BCOR: variants seen among roughly 807,000 people sequenced by gnomAD.
The protein encoded by BCOR is BCL6 corepressor.
In BCOR, 10 loss-of-function variants were observed where a neutral mutation model predicts 86.7. The observed-to-expected ratio is 0.12, with a 90% CI of 0.07 to 0.20. BCOR has a LOEUF of 0.20. BCOR is among the 10% of genes least tolerant of loss of function. The pLI is 1.00. For missense variants in BCOR, 1,259 were observed against 1,452.1 expected, an observed-to-expected ratio of 0.87 and a Z score of 2.16; for synonymous variants, 611 against 609.0, an observed-to-expected ratio of 1.00 and a Z score of -0.05.
At chrX:40,172,667 C>T (rs914928041) in intron 1 of BCOR, among the ~76,000 whole-genome samples, 10 of 113,198 alleles carry the variant, frequency 8.8e-5, no homozygotes, top group Non-Finnish European at 1.5e-4. Flanking sequence ...CTCTCCAGTC[C>T]TGGGCCGTGG....
At chrX:40,123,156 C>A (rs2147877636) in intron 1 of BCOR, among the ~76,000 whole-genome samples, 1 of 111,101 alleles carries the variant, frequency 9.0e-6, no homozygotes, top group Admixed American at 9.6e-5. Context: ...ATTTCCTTAA[C>A]CTGCTAGGTG....
intron 1 of BCOR, among the ~76,000 whole-genome samples, chrX:40,125,938 G>A (rs772885703): frequency 4.5e-5 from 5 of 111,321 alleles, no homozygotes; most frequent in South Asian, 7.6e-4. Context: ...TCGGCCAGGC[G>A]CGGTGGCTCA....
chrX:40,076,746 T>A (rs1481540844), intron 2 of BCOR, among the ~76,000 whole-genome samples: 2 of 112,700 alleles, frequency 1.8e-5, no homozygotes, highest in Non-Finnish European at 3.7e-5. Context: ...AAAGCTTTCA[T>A]GTGTGAGGAC....
At chrX:40,169,738 T>C (rs1358023127) in intron 1 of BCOR, among the ~76,000 whole-genome samples, 1 of 111,568 alleles carries the variant, frequency 9.0e-6, no homozygotes, top group African/African-American at 3.3e-5. Flanking sequence ...AAACAGGCTT[T>C]CTGCACCGCT....
chrX:40,137,938 G>A (rs866207380), intron 1 of BCOR, among the ~76,000 whole-genome samples: 4 of 110,859 alleles, frequency 3.6e-5, no homozygotes, highest in African/African-American at 1.3e-4. Context: ...GACGGGGGGC[G>A]ACTTTCCCTC....
At chrX:40,146,979 G>A (rs1240716794) in intron 1 of BCOR, among the ~76,000 whole-genome samples, 2 of 112,034 alleles carry the variant, frequency 1.8e-5, no homozygotes, top group African/African-American at 6.5e-5. Flanking sequence ...GGCGGCGTGC[G>A]GGCCCGGGAG....
At chrX:40,142,741 G>T (rs1215490457) in intron 1 of BCOR, among the ~76,000 whole-genome samples, 2 of 111,558 alleles carry the variant, frequency 1.8e-5, no homozygotes, top group Non-Finnish European at 3.8e-5. Context: ...GTGGGCTATG[G>T]ATTTTTTTCC....
chrX:40,086,401 C>T (rs1019476339), intron 1 of BCOR, among the ~76,000 whole-genome samples: 2 of 113,342 alleles, frequency 1.8e-5, no homozygotes, highest in Non-Finnish European at 3.7e-5. Flanking sequence ...CCCAGTTCAA[C>T]GGATCCTGGC....
chrX:40,098,667 C>T (rs1364037693), upstream of BCOR, among the ~76,000 whole-genome samples: 1 of 111,839 alleles, frequency 8.9e-6, no homozygotes, highest in Admixed American at 9.3e-5. Flanking sequence ...CCTCCGAGAC[C>T]CAGCGGAGCG....
At chrX:40,157,303 G>A (rs781204207) in intron 1 of BCOR, among the ~76,000 whole-genome samples, 100 of 111,917 alleles carry the variant, frequency 8.9e-4, no homozygotes, top group South Asian at 3.4e-3. Context: ...GGAAGGTCAG[G>A]ACCACAGAGG....
chrX:40,102,536 C>A (rs1173567133), upstream of BCOR, among the ~76,000 whole-genome samples: 1 of 113,930 alleles, frequency 8.8e-6, no homozygotes, highest in African/African-American at 3.2e-5. Context: ...TTTAGCAAGG[C>A]GCCTTCTGCG....
At position 40,077,974 on chromosome X, in the gene BCOR, T is replaced by A; in HGVS notation, c.-40-5A>T. 9.0e-7 allele frequency: 1 copy of A among 1,105,257 alleles called. No individual in the cohort carries two copies. The allele number at this position is 1,105,257 out of a possible 1,213,427, so 91.1% of individuals were successfully genotyped here. On this transcript the variant is annotated splice_polypyrimidine_tract_variant and splice_region_variant and intron_variant, in intron 1 of 14. Transcript: ENST00000378444. ...GCTTTGCTTCAAGCGTCTAGTCTGT[T>A]AAAAGGAAAGAAAAAAAATCCCAGG...
intron 1 of BCOR, among the ~76,000 whole-genome samples, chrX:40,103,026 T>C (rs898816340): frequency 5.4e-5 from 6 of 110,323 alleles, no homozygotes; most frequent in African/African-American, 2.0e-4. Context: ...CTCTCGGTGC[T>C]CATCCTCCTC....
At position 40,063,786 on chromosome X, in the gene BCOR, C is replaced by T. The variant is rs372032523; in HGVS notation, c.3669G>A (p.Ser1223=). The T allele has an allele frequency of 1.7e-4, 204 of 1,210,154 alleles. No individual in the cohort carries two copies. Among genetic ancestry groups the T allele is most frequent in the Middle Eastern group, 6.9e-4 (3 of 4,353 alleles). ...HLRERWEQQV[S]AADGKPGRQS... is the part of the protein sequence containing the mutation. ...GCCGGCCAGGTTTGCCATCTGCTGCCGACACCTGCTGCTCCCATCGTTCTC... is the reference window on the plus strand; with the variant it reads ...GCCGGCCAGGTTTGCCATCTGCTGCTGACACCTGCTGCTCCCATCGTTCTC... The change falls in exon 8 of 15, where the codon TCG becomes TCA. Residue 1223 remains serine, a synonymous_variant. Coordinates refer to ENST00000378444, the MANE Select transcript of BCOR (RefSeq NM_001123385.2).
At chrX:40,129,767 C>T (rs781144908) in intron 1 of BCOR, among the ~76,000 whole-genome samples, 6 of 109,656 alleles carry the variant, frequency 5.5e-5, no homozygotes, top group East Asian at 5.8e-4. Context: ...TTGCCGGGTG[C>T]GGTGGCTCAC....
chrX:40,118,872 G>T (rs929698280), intron 1 of BCOR, among the ~76,000 whole-genome samples: 3 of 112,015 alleles, frequency 2.7e-5, no homozygotes, highest in Admixed American at 1.9e-4. Flanking sequence ...TCGCTCTGTT[G>T]CCCAGGCTAG....
rs746870641 is a variant in BCOR, at chrX:40,074,946, C to T, written c.400G>A (p.Ala134Thr). 5.0e-6 allele frequency: 6 copies of T among 1,211,413 alleles called. No homozygotes were observed. Among genetic ancestry groups the T allele is most frequent in the Non-Finnish European group, 5.6e-6 (5 of 895,395 alleles). The part of the protein sequence containing the change: ...FKPNTPETVE[A>T]SAVSGKPPNG... ...GGGGGTTTTCCAGAGACGGCAGAAGCCTCCACTGTCTCGGGTGTATTCGGT... is the reference window on the plus strand; with the variant it reads ...GGGGGTTTTCCAGAGACGGCAGAAGTCTCCACTGTCTCGGGTGTATTCGGT... Residue 134 changes from alanine to threonine, a missense_variant, in exon 4 of 15, where the codon GCT becomes ACT. Transcript: ENST00000378444.
intron 1 of BCOR, among the ~76,000 whole-genome samples, chrX:40,132,203 C>T (rs375009787): frequency 1.8e-4 from 20 of 112,123 alleles, no homozygotes; most frequent in East Asian, 1.1e-3. Context: ...GATATCCTTC[C>T]GATGGCTGCA....
intron 10 of BCOR, among the ~76,000 whole-genome samples, chrX:40,059,864 G>GCACA (rs1390174428): frequency 8.9e-6 from 1 of 112,526 alleles, no homozygotes; most frequent in Non-Finnish European, 1.9e-5. Context: ...ACTACTAAAT[G>GCACA]CACACACATG....
Sources: gnomAD v4.1 joint callset for allele counts (sites outside exome capture counted in the v4.1 genomes callset) on GRCh38, gnomAD v4.1.1 for gene constraint, MANE v1.5 for transcripts, NCBI Gene and HGNC (gene_info 2026-07-23, HGNC 2026-07-21) for gene names.